Variants in C10orf90 observed in about 807,000 individuals in gnomAD.
C10orf90 encodes chromosome 10 open reading frame 90, also known as (E2-independent) E3 ubiquitin-conjugating enzyme FATS.
In C10orf90, 56 loss-of-function variants were observed where a neutral mutation model predicts 62.5. The observed-to-expected ratio is 0.90, with a 90% CI of 0.72 to 1.12. The LOEUF (loss-of-function observed/expected upper bound fraction) is 1.12. Among genes scored for constraint, C10orf90 ranks in the 50% most tolerant of loss-of-function variants. The pLI is 0.00. For missense variants in C10orf90, 970 were observed against 880.4 expected, an observed-to-expected ratio of 1.10 and a Z score of -1.29; for synonymous variants, 386 against 340.4, an observed-to-expected ratio of 1.13 and a Z score of -1.47.
intron 7 of C10orf90, among the ~76,000 whole-genome samples, chr10:126,438,579 G>A (rs1858076047): frequency 6.6e-6 from 1 of 152,062 alleles, no homozygotes; most frequent in African/African-American, 2.4e-5. Flanking sequence ...TGAAGGAACT[G>A]GTTCTCCTCT....
rs1388923184 is a variant in C10orf90, at chr10:126,555,651, C to G, written c.314-41712G>C. On this transcript the variant is annotated intron_variant, in intron 2 of 9. Coordinates refer to ENST00000488181, the MANE Select transcript of C10orf90 (RefSeq NM_001350921.2). Reference sequence around the variant, plus strand: ...CTGAGATCGCACCACTGCACTCTAGCCTGGGCAACAGAGGGAGACTCTATC... The same window carrying G: ...CTGAGATCGCACCACTGCACTCTAGGCTGGGCAACAGAGGGAGACTCTATC... 4.0e-5 allele frequency among the ~76,000 whole-genome samples: 6 copies of G among 149,968 alleles called. No individual in the cohort carries two copies. The South Asian group carries it at 1.3e-3, about 31-fold the overall frequency.
At chr10:126,432,654 G>GTC (rs1857658148) in intron 7 of C10orf90, among the ~76,000 whole-genome samples, 1 of 152,222 alleles carries the variant, frequency 6.6e-6, no homozygotes, top group Admixed American at 6.5e-5. Context: ...AGCTTCTGCA[G>GTC]TAAGAACTGA....
Position 126,426,551 on chromosome 10 carries a change from G to A in C10orf90, c.2253-461C>T, listed in dbSNP as rs117595968. 4.8e-3 allele frequency among the ~76,000 whole-genome samples: 726 copies of A among 152,240 alleles called. 25 individuals are homozygous for A. Among genetic ancestry groups the A allele is most frequent in the East Asian group, 0.03 (156 of 5,184 alleles). On this transcript the variant is annotated intron_variant, in intron 8 of 9. Coordinates refer to ENST00000488181, the MANE Select transcript of C10orf90 (RefSeq NM_001350921.2). The stretch of plus-strand genomic sequence containing the variant: ...AACAGCATATAAATAGAAATAGCAG[G>A]ACTTATAATACTGTAATAAAACACA...
intron 7 of C10orf90, among the ~76,000 whole-genome samples, chr10:126,441,857 C>T (rs188158554): frequency 1.3e-5 from 2 of 152,178 alleles, no homozygotes; most frequent in Admixed American, 1.3e-4. Context: ...CACTACCAAG[C>T]CACCACTAAA....
intron 2 of C10orf90, among the ~76,000 whole-genome samples, chr10:126,565,735 G>A (rs1445917875): frequency 1.3e-5 from 2 of 152,008 alleles, no homozygotes; most frequent in Non-Finnish European, 2.9e-5. Flanking sequence ...TCCAGGAGGG[G>A]AGCAGAGTCT....
intron 2 of C10orf90, among the ~76,000 whole-genome samples, chr10:126,583,869 G>A (rs1284297636): frequency 2.6e-5 from 4 of 152,154 alleles, no homozygotes; most frequent in African/African-American, 7.2e-5. Context: ...TAATCCCAGC[G>A]TTTTGGGAGG....
intron 8 of C10orf90, 44 bp downstream of exon 8, chr10:126,429,743 C>T (rs1379455937): frequency 3.8e-6 from 6 of 1,569,708 alleles, no homozygotes; most frequent in Non-Finnish European, 3.5e-6. Context: ...AACCACCCTA[C>T]TCCCCCCACC....
chr10:126,661,950 T>C (rs1207393133), intron 1 of C10orf90, among the ~76,000 whole-genome samples: 1 of 152,178 alleles, frequency 6.6e-6, no homozygotes, highest in East Asian at 1.9e-4. Context: ...ATTTGCATCA[T>C]TAATGAATCT....
At chr10:126,586,569 T>A (rs1274393014) in intron 2 of C10orf90, among the ~76,000 whole-genome samples, 4 of 152,130 alleles carry the variant, frequency 2.6e-5, no homozygotes, top group Non-Finnish European at 5.9e-5. Flanking sequence ...TTACATCCTT[T>A]TCTTTCTGGA....
chr10:126,494,187 G>A (rs531015529), intron 4 of C10orf90, among the ~76,000 whole-genome samples: 61 of 152,312 alleles, frequency 4.0e-4, no homozygotes, highest in Middle Eastern at 3.4e-3. Flanking sequence ...CACCAGGGCC[G>A]TTCATCTGCT....
chr10:126,646,527 G>A (rs1219398732), intron 2 of C10orf90, 38 bp downstream of exon 2: 1 of 373,238 alleles, frequency 2.7e-6, no homozygotes, highest in Non-Finnish European at 5.2e-6. Context: ...ATAAAGGCTT[G>A]AAAGGGAACC....
At chr10:126,528,858 C>A (rs1240860091) in intron 2 of C10orf90, among the ~76,000 whole-genome samples, 2 of 152,114 alleles carry the variant, frequency 1.3e-5, no homozygotes, top group African/African-American at 4.8e-5. Flanking sequence ...ATAAGTCAAA[C>A]CTAGGTAGGC....
intron 2 of C10orf90, among the ~76,000 whole-genome samples, chr10:126,630,760 C>T (rs1234634278): frequency 2.0e-5 from 3 of 152,190 alleles, no homozygotes; most frequent in Non-Finnish European, 4.4e-5. Flanking sequence ...TAATCAGCAG[C>T]TCTTGGATCT....
intron 1 of C10orf90, among the ~76,000 whole-genome samples, chr10:126,646,879 G>A (rs1229431272): frequency 6.6e-6 from 1 of 152,144 alleles, no homozygotes; most frequent in African/African-American, 2.4e-5. Context: ...GGGAGGAAAG[G>A]AAACTAGAAA....
chr10:126,425,961 CA>C (rs1857234849), intron 9 of C10orf90, 29 bp downstream of exon 9: 1 of 1,613,648 alleles, frequency 6.2e-7, no homozygotes, highest in Non-Finnish European at 8.5e-7. Context: ...GCACCACACA[CA>C]TCACACCTGC....
chr10:126,458,037 G>A (rs917447806), intron 7 of C10orf90, among the ~76,000 whole-genome samples: 4 of 152,104 alleles, frequency 2.6e-5, no homozygotes, highest in South Asian at 2.1e-4. Flanking sequence ...ATCCTTCCCC[G>A]AGGTCTTTAG....
At chr10:126,580,833 ATGTG>A (rs1320828366) in intron 2 of C10orf90, among the ~76,000 whole-genome samples, 2 of 151,454 alleles carry the variant, frequency 1.3e-5, no homozygotes, top group African/African-American at 2.4e-5. Flanking sequence ...GTGCATGTTC[ATGTG>A]TATGAGTGTG....
chr10:126,584,220 G>T (rs1051499513), intron 2 of C10orf90, among the ~76,000 whole-genome samples: 1 of 152,058 alleles, frequency 6.6e-6, no homozygotes. Flanking sequence ...CTGTCCATCT[G>T]TCTACTTGTT....
At chr10:126,602,785 A>G (rs1315951288) in intron 2 of C10orf90, among the ~76,000 whole-genome samples, 1 of 139,344 alleles carries the variant, frequency 7.2e-6, no homozygotes, top group Non-Finnish European at 1.5e-5. Context: ...GGTCTTTCTG[A>G]GCTCTGCATA....
Sources: allele counts gnomAD v4.1 joint callset (sites outside exome capture counted in the v4.1 genomes callset), GRCh38; gene constraint gnomAD v4.1.1; transcripts MANE v1.5; gene names NCBI Gene and HGNC (gene_info 2026-07-23, HGNC 2026-07-21).